Variants in ATP13A4 observed in about 807,000 individuals in gnomAD.
ATP13A4 encodes the protein probable cation-transporting ATPase 13A4.
ATP13A4 carries 114 observed loss-of-function variants against 142.5 expected under a neutral mutation model. That is an observed-to-expected ratio of 0.80 (90% CI 0.69 to 0.93). ATP13A4 has a LOEUF of 0.93. Ranked by LOEUF, ATP13A4 falls within the 40% of genes least tolerant of loss-of-function variation. ATP13A4 has a pLI of 0.00. For synonymous variants in ATP13A4, 488 were observed against 514.8 expected, an observed-to-expected ratio of 0.95 and a Z score of 0.70; for missense variants, 1,392 against 1,454.0, an observed-to-expected ratio of 0.96 and a Z score of 0.69.
intron 1 of ATP13A4, among the ~76,000 whole-genome samples, chr3:193,539,973 T>C (rs888160666): frequency 6.6e-6 from 1 of 152,122 alleles, no homozygotes; most frequent in African/African-American, 2.4e-5. Flanking sequence ...TGTATAATAG[T>C]TCAGAAGGAA....
chr3:193,486,203 C>T (rs1719606674), intron 7 of ATP13A4, among the ~76,000 whole-genome samples: 1 of 151,720 alleles, frequency 6.6e-6, no homozygotes, highest in African/African-American at 2.4e-5. Context: ...GTTTAAAGAG[C>T]TCTAGAAACT....
At chr3:193,404,492 T>A (rs1477087245) in intron 29 of ATP13A4, among the ~76,000 whole-genome samples, 1 of 152,172 alleles carries the variant, frequency 6.6e-6, no homozygotes, top group Non-Finnish European at 1.5e-5. Flanking sequence ...TAATCCCCAA[T>A]GTTGCAGGAA....
rs898823623 is a variant in ATP13A4, at chr3:193,454,750, C to G, written c.1916-538G>C. Among the ~76,000 whole-genome samples, 7 of 152,232 alleles carry G rather than the reference C, an allele frequency of 4.6e-5. No homozygotes were observed. The East Asian group carries it at 5.8e-4, about 13-fold the overall frequency. On this transcript the variant is annotated intron_variant, in intron 16 of 29. Transcript: ENST00000342695. ...GATTGACGACTTTTAAAACCTAAAACTATAAAAGCCTGGAAGACAGCCTAG... is the reference window on the plus strand; with the variant it reads ...GATTGACGACTTTTAAAACCTAAAAGTATAAAAGCCTGGAAGACAGCCTAG...
chr3:193,434,033 G>A, intron 24 of ATP13A4, 116 bp from the exon 25 acceptor site: 1 of 881,574 alleles, frequency 1.1e-6, no homozygotes, highest in Non-Finnish European at 1.9e-6. Context: ...TTACTGTGGA[G>A]ATGCTGTGTT....
Position 193,401,814 on chromosome 3 carries a change from A to T in ATP13A4, c.*838T>A, listed in dbSNP as rs1344149842. Among the ~76,000 whole-genome samples, 1 of 152,234 alleles carries T rather than the reference A, an allele frequency of 6.6e-6. No individual in the cohort carries two copies. The highest frequency in any genetic ancestry group is 1.5e-5 in the Non-Finnish European group (1 of 68,038). ...AAGCCCATGAAGCATCCCTAAACAC[A>T]GGAGACTGCACTTTCCAGCTCCCTG... On this transcript the variant is annotated 3_prime_UTR_variant, in exon 30 of 30. Coordinates refer to ENST00000342695, the MANE Select transcript of ATP13A4 (RefSeq NM_032279.4).
At chr3:193,441,723 A>G (rs1194184814) in intron 19 of ATP13A4, 135 bp from the exon 20 acceptor site, 9 of 1,072,254 alleles carry the variant, frequency 8.4e-6, no homozygotes, top group Non-Finnish European at 1.2e-5. Flanking sequence ...TCAGAGAAGC[A>G]TTTTCTTTTT....
rs753013191 is a variant in ATP13A4, at chr3:193,467,349, A to G, written c.1081T>C (p.Ser361Pro). Reference sequence around the variant, plus strand: ...AGTACCACGGCTCTCACGGTCCCAGAGCAAGCTGCCTTGGCCTGGATAACC... The same window carrying G: ...AGTACCACGGCTCTCACGGTCCCAGGGCAAGCTGCCTTGGCCTGGATAACC... ...TEVIQAKAAC[S>P]GTVRAVVLQT... Residue 361 changes from serine to proline, a missense_variant, in exon 10 of 30, where the codon TCT (serine) becomes CCT (proline). Coordinates refer to ENST00000342695, the MANE Select transcript of ATP13A4 (RefSeq NM_032279.4). 1 of 1,614,210 alleles carries G rather than the reference A, an allele frequency of 6.2e-7. No homozygotes were observed. Among genetic ancestry groups the G allele is most frequent in the East Asian group, 2.2e-5 (1 of 44,888 alleles).
chr3:193,531,296 GAGGAAGGAAGGAAGGAAGGA>G (rs772860170), intron 1 of ATP13A4, among the ~76,000 whole-genome samples: 115 of 73,990 alleles, frequency 1.6e-3, no homozygotes, highest in African/African-American at 5.9e-3. Context: ...GGGAGGGAGG[GAGGAAGGAAGGAAGGAAGGA>G]AGGAAGGAAG....
Position 193,466,602 on chromosome 3 carries a change from C to T in ATP13A4, c.1115-420G>A, listed in dbSNP as rs538135376. On this transcript the variant is annotated intron_variant, in intron 10 of 29. Coordinates refer to ENST00000342695, the MANE Select transcript of ATP13A4 (RefSeq NM_032279.4). ...TGTTAAATTTTCAGTTTCTAGCCCACCCTGGAAAGAACTTGGGATTCAGGA... is the reference window on the plus strand; with the variant it reads ...TGTTAAATTTTCAGTTTCTAGCCCATCCTGGAAAGAACTTGGGATTCAGGA... Among the ~76,000 whole-genome samples, 11 of 152,334 alleles carry T rather than the reference C, an allele frequency of 7.2e-5. No individual in the cohort carries two copies. In the South Asian group the frequency reaches 1.2e-3, roughly 17 times the overall value.
chr3:193,528,599 G>A (rs924680998), intron 1 of ATP13A4, among the ~76,000 whole-genome samples: 2 of 152,182 alleles, frequency 1.3e-5, no homozygotes, highest in African/African-American at 2.4e-5. Context: ...AATACCCTGG[G>A]ATGCCATACC....
In ATP13A4 at chr3:193,582,719, T is replaced by TACATATATAAAATATATATGTATAA. The variant is rs1560291052; in HGVS notation, n.92-814_92-813insTTATACATATATATTTTATATATGT. ...ATAACATATATAATATATATGTATATTACATATATAAAATATATATGTATA... is the reference window on the plus strand; with the variant it reads ...ATAACATATATAATATATATGTATATACATATATAAAATATATATGTATAATACATATATAAAATATATATGTATA... On this transcript the variant is annotated intron_variant and non_coding_transcript_variant, in intron 1 of 3. Transcript: ENST00000489140. Among the ~76,000 whole-genome samples, 13 of 45,998 alleles carry TACATATATAAAATATATATGTATAA rather than the reference T, an allele frequency of 2.8e-4. 5 individuals are homozygous for TACATATATAAAATATATATGTATAA. Among genetic ancestry groups the TACATATATAAAATATATATGTATAA allele is most frequent in the Admixed American group, 1.6e-3 (5 of 3,076 alleles). 30.2% of individuals were successfully genotyped at this position (45,998 alleles called of 152,430 possible).
chr3:193,549,579 C>T (rs1180876533), intron 1 of ATP13A4, among the ~76,000 whole-genome samples: 1 of 151,988 alleles, frequency 6.6e-6, no homozygotes, highest in Non-Finnish European at 1.5e-5. Flanking sequence ...CTTATAATTC[C>T]AGCACTCTGG....
intron 23 of ATP13A4, 125 bp from the exon 24 acceptor site, chr3:193,435,869 A>C (rs1205216070): frequency 3.6e-6 from 3 of 837,946 alleles, no homozygotes; most frequent in African/African-American, 1.7e-5. Flanking sequence ...TGTCTGTCTG[A>C]AAATGGACAG....
chr3:193,417,236 T>C (rs2108607006), intron 25 of ATP13A4, among the ~76,000 whole-genome samples: 1 of 152,286 alleles, frequency 6.6e-6, no homozygotes, highest in South Asian at 2.1e-4. Context: ...GGGCTCAGAT[T>C]GAAATGAAAG....
intron 3 of ATP13A4, among the ~76,000 whole-genome samples, chr3:193,501,425 T>A (rs1157266479): frequency 1.3e-5 from 2 of 151,968 alleles, no homozygotes; most frequent in African/African-American, 4.8e-5. Context: ...CCGTCTCTAC[T>A]GAAAACACAA....
At chr3:193,507,006 C>A (rs1207764610) in intron 2 of ATP13A4, among the ~76,000 whole-genome samples, 1 of 152,134 alleles carries the variant, frequency 6.6e-6, no homozygotes, top group African/African-American at 2.4e-5. Flanking sequence ...GAACCTCATC[C>A]CTTGAAATTT....
At chr3:193,454,624 T>A (rs567509762) in intron 16 of ATP13A4, among the ~76,000 whole-genome samples, 6 of 152,300 alleles carry the variant, frequency 3.9e-5, no homozygotes, top group Admixed American at 2.0e-4. Flanking sequence ...GGGAAAGGCT[T>A]TCCCATTCAA....
rs1046153845 is a variant in ATP13A4 at position 193,399,633 on chromosome 3, G to A, written c.*3019C>T. On this transcript the variant is annotated 3_prime_UTR_variant, in exon 30 of 30. Transcript: ENST00000342695. The stretch of plus-strand genomic sequence containing the variant: ...GGAGGCCGAGGCGGGCGGATCACGA[G>A]GTCAGGAGATTGAAACCACCCTGGC... Among the ~76,000 whole-genome samples, 13 of 152,118 alleles carry A rather than the reference G, an allele frequency of 8.5e-5. No individual in the cohort carries two copies. The Middle Eastern group carries it at 0.017, about 199-fold the overall frequency.
At chr3:193,548,678 G>C (rs1307978983) in intron 1 of ATP13A4, among the ~76,000 whole-genome samples, 1 of 152,180 alleles carries the variant, frequency 6.6e-6, no homozygotes, top group African/African-American at 2.4e-5. Flanking sequence ...CCGGGTGTTA[G>C]AGAAGAAAAG....
Sources: allele counts gnomAD v4.1 joint callset (sites outside exome capture counted in the v4.1 genomes callset), GRCh38; gene constraint gnomAD v4.1.1; transcripts MANE v1.5; gene names NCBI Gene and HGNC (gene_info 2026-07-23, HGNC 2026-07-21).